Variants in ARHGEF28 observed in about 807,000 individuals in gnomAD.
ARHGEF28 encodes the protein 190 kDa guanine nucleotide exchange factor.
A neutral mutation model predicts 206.6 loss-of-function variants in ARHGEF28; 152 were observed. That is an observed-to-expected ratio of 0.74 (90% CI 0.64 to 0.84). The LOEUF is 0.84. ARHGEF28 is among the 40% of genes least tolerant of loss of function. The probability of loss-of-function intolerance (pLI) is 0.00; values close to 1 mark genes in which losing one functional copy is unlikely to be tolerated. For synonymous variants in ARHGEF28, 763 were observed against 776.4 expected, an observed-to-expected ratio of 0.98 and a Z score of 0.29; for missense variants, 2,028 against 2,073.2, an observed-to-expected ratio of 0.98 and a Z score of 0.42.
At chr5:73,876,923 A>G (rs1048653317) in intron 22 of ARHGEF28, among the ~76,000 whole-genome samples, 10 of 146,884 alleles carry the variant, frequency 6.8e-5, no homozygotes, top group Non-Finnish European at 1.5e-4. Flanking sequence ...TATCAGGATG[A>G]TGCTGGCCTC....
chr5:73,771,017 C>A (rs2112441880), intron 4 of ARHGEF28, among the ~76,000 whole-genome samples: 1 of 152,332 alleles, frequency 6.6e-6, no homozygotes, highest in South Asian at 2.1e-4. Flanking sequence ...AGGTTGAATA[C>A]AGTGAAATAC....
intron 1 of ARHGEF28, among the ~76,000 whole-genome samples, chr5:73,643,907 T>A (rs1323142929): frequency 1.3e-5 from 2 of 152,224 alleles, no homozygotes; most frequent in Non-Finnish European, 2.9e-5. Flanking sequence ...ATCTTTGTCA[T>A]CTAGATGTGG....
Position 73,749,868 on chromosome 5 carries a change from A to G in ARHGEF28, c.65A>G (p.Lys22Arg). Residue 22 changes from lysine to arginine, a missense_variant, in exon 3 of 36, where the codon AAA becomes AGA. Around this residue, in one of 3 missense-constraint regions of ARHGEF28, gnomAD observed 1,002 missense variants for 1,015.3 expected, o/e 0.99. Transcript: ENST00000513042. Reference sequence around the variant, plus strand: ...ATGATGATCTATGCGAAGTTTGACAAAAATGTGTATCTTCCTGAAGATGCT... The same window carrying G: ...ATGATGATCTATGCGAAGTTTGACAGAAATGTGTATCTTCCTGAAGATGCT... Reference protein sequence around the residue: ...GQMMIYAKFDKNVYLPEDAEF... With the variant: ...GQMMIYAKFDRNVYLPEDAEF... The G allele has an allele frequency of 1.2e-6, 2 of 1,614,050 alleles. No individual in the cohort carries two copies. Among genetic ancestry groups the G allele is most frequent in the Non-Finnish European group, 8.5e-7 (1 of 1,179,896 alleles).
chr5:73,775,577 T>TA (rs768667385), intron 5 of ARHGEF28, among the ~76,000 whole-genome samples: 2 of 152,206 alleles, frequency 1.3e-5, no homozygotes, highest in Non-Finnish European at 2.9e-5. Flanking sequence ...TCATTGGAAA[T>TA]ATACTATATT....
At chr5:73,719,412 G>GAAA (rs34402245) in intron 2 of ARHGEF28, among the ~76,000 whole-genome samples, 1 of 114,088 alleles carries the variant, frequency 8.8e-6, no homozygotes, top group Non-Finnish European at 1.9e-5. Flanking sequence ...CTCCGTCTCA[G>GAAA]AAAAAAAAAA....
intron 1 of ARHGEF28, among the ~76,000 whole-genome samples, chr5:73,664,584 T>C (rs947083648): frequency 8.5e-5 from 13 of 152,204 alleles, no homozygotes; most frequent in Admixed American, 3.9e-4. Context: ...CCTAGTATAA[T>C]AGAGTGCTCA....
At chr5:73,629,186 A>G (rs1010810181) in intron 1 of ARHGEF28, among the ~76,000 whole-genome samples, 1 of 152,018 alleles carries the variant, frequency 6.6e-6, no homozygotes, top group African/African-American at 2.4e-5. Context: ...AGACTTTTGC[A>G]CACTCCACAT....
At chr5:73,738,594 A>G (rs1317994479) in intron 2 of ARHGEF28, among the ~76,000 whole-genome samples, 2 of 152,008 alleles carry the variant, frequency 1.3e-5, no homozygotes, top group Non-Finnish European at 2.9e-5. Flanking sequence ...GATGCTGGCC[A>G]GATGAGAGGG....
intron 2 of ARHGEF28, among the ~76,000 whole-genome samples, chr5:73,709,943 A>G (rs961030364): frequency 2.6e-5 from 4 of 152,312 alleles, no homozygotes; most frequent in African/African-American, 9.6e-5. Flanking sequence ...ATTCCATGGC[A>G]TAGATGTACC....
chr5:73,725,502 TAAG>T (rs74659001), intron 2 of ARHGEF28, among the ~76,000 whole-genome samples: 27,910 of 152,174 alleles, frequency 0.18, 2,799 homozygotes, highest in Non-Finnish European at 0.23. Flanking sequence ...ATGGTGACTG[TAAG>T]AACATTATTG....
intron 7 of ARHGEF28, among the ~76,000 whole-genome samples, chr5:73,789,961 C>T (rs1754374553): frequency 6.6e-6 from 1 of 152,144 alleles, no homozygotes; most frequent in Admixed American, 6.5e-5. Context: ...AGGGGAAACA[C>T]TATTTCTCGG....
At chr5:73,788,387 C>T (rs1754282401) in intron 7 of ARHGEF28, among the ~76,000 whole-genome samples, 1 of 152,154 alleles carries the variant, frequency 6.6e-6, no homozygotes, top group Non-Finnish European at 1.5e-5. Context: ...CAATCCCCTG[C>T]ACAGTCAAAA....
chr5:73,650,208 C>A (rs1439693799), intron 1 of ARHGEF28, among the ~76,000 whole-genome samples: 1 of 151,146 alleles, frequency 6.6e-6, no homozygotes, highest in African/African-American at 2.4e-5. Flanking sequence ...TGTTTTAGAG[C>A]TGCAAGTAAT....
At chr5:73,682,526 T>C (rs1747176886) in intron 1 of ARHGEF28, among the ~76,000 whole-genome samples, 2 of 151,902 alleles carry the variant, frequency 1.3e-5, no homozygotes. Context: ...CAAGCGATTC[T>C]CCTGCCTCAG....
intron 9 of ARHGEF28, among the ~76,000 whole-genome samples, chr5:73,817,051 T>C (rs1363622757): frequency 1.3e-5 from 2 of 152,250 alleles, no homozygotes; most frequent in Admixed American, 1.3e-4. Flanking sequence ...GGAATTAGGC[T>C]TTACCCAAGG....
At chr5:73,665,105 A>G (rs2112199725) in intron 1 of ARHGEF28, among the ~76,000 whole-genome samples, 1 of 152,270 alleles carries the variant, frequency 6.6e-6, no homozygotes, top group Non-Finnish European at 1.5e-5. Context: ...GAAGGATAGC[A>G]GTGGTCTCTT....
intron 2 of ARHGEF28, among the ~76,000 whole-genome samples, chr5:73,690,525 C>CAAAAAA (rs71615796): frequency 2.1e-4 from 5 of 23,354 alleles, no homozygotes; most frequent in African/African-American, 3.9e-4. Context: ...TCTGTCTTTA[C>CAAAAAA]AAAAAAAAAA....
chr5:73,861,478 G>C (rs547326870), intron 16 of ARHGEF28, among the ~76,000 whole-genome samples: 82 of 152,240 alleles, frequency 5.4e-4, no homozygotes, highest in African/African-American at 1.9e-3. Context: ...TGTTGCCCAG[G>C]CTGGAGTCCA....
At chr5:73,847,564 A>G (rs551040756) in intron 12 of ARHGEF28, among the ~76,000 whole-genome samples, 20 of 152,302 alleles carry the variant, frequency 1.3e-4, no homozygotes, top group African/African-American at 4.6e-4. Context: ...TGTTATGTAG[A>G]TACTTCTTAG....
Sources: allele counts gnomAD v4.1 joint callset (sites outside exome capture counted in the v4.1 genomes callset), GRCh38; gene constraint gnomAD v4.1.1; regional missense constraint gnomAD v4.1.1; transcripts MANE v1.5; gene names NCBI Gene and HGNC (gene_info 2026-07-23, HGNC 2026-07-21).